UROS: variants seen among roughly 807,000 people sequenced by gnomAD.
UROS encodes the protein uroporphyrinogen-III synthase.
In UROS, 18 loss-of-function variants were observed where a neutral mutation model predicts 33.0. The observed-to-expected ratio is 0.55, with a 90% CI of 0.38 to 0.81. The LOEUF (loss-of-function observed/expected upper bound fraction) is 0.81, where lower values mean the gene tolerates loss of function less well. UROS is among the 30% of genes least tolerant of loss of function. The pLI, the probability that UROS is intolerant of heterozygous loss-of-function variation, is 0.00. For missense variants in UROS, 293 were observed against 314.9 expected, an observed-to-expected ratio of 0.93 and a Z score of 0.53; for synonymous variants, 114 against 121.1, an observed-to-expected ratio of 0.94 and a Z score of 0.38.
chr10:125,785,162 T>C (rs1443678037), downstream of UROS: 2 of 152,248 alleles, frequency 1.3e-5, no homozygotes, highest in Admixed American at 1.3e-4. Flanking sequence ...AGAGTTGGGA[T>C]AGTTTTTGTG....
At chr10:125,817,190 T>C (rs957046913) in intron 1 of UROS, among the ~76,000 whole-genome samples, 1 of 149,316 alleles carries the variant, frequency 6.7e-6, no homozygotes, top group Admixed American at 6.7e-5. Flanking sequence ...GCTCTTATCT[T>C]AATAGCAACG....
Position 125,817,594 on chromosome 10 carries a change from T to G in UROS, c.-26-1069A>C, listed in dbSNP as rs73381207. On this transcript the variant is annotated intron_variant, in intron 1 of 9. Coordinates refer to ENST00000368797, the MANE Select transcript of UROS (RefSeq NM_000375.3). ...ACCTCTGCCCTACCAAGCCTTAGGG[T>G]TGCTGAGTGACTCAAAGAAGATAAA... is the stretch of plus-strand genomic sequence containing the variant. Among the ~76,000 whole-genome samples the G allele has an allele frequency of 4.8e-3, 729 of 150,344 alleles. 7 individuals are homozygous for G. Among genetic ancestry groups the G allele is most frequent in the African/African-American group, 0.016 (663 of 40,704 alleles).
chr10:125,822,112 G>GA (rs1230396301), intron 1 of UROS, among the ~76,000 whole-genome samples: 1 of 152,054 alleles, frequency 6.6e-6, no homozygotes, highest in Non-Finnish European at 1.5e-5. Context: ...ATTTTACAGA[G>GA]AAAAATCAAT....
Position 125,816,447 on chromosome 10 carries a change from GGATCC to G in UROS, c.48_52del (p.Gln16HisfsTer12). The G allele has an allele frequency of 1.2e-6, 2 of 1,614,096 alleles. No individual in the cohort carries two copies. The highest frequency in any genetic ancestry group is 4.5e-5 in the East Asian group (2 of 44,882). ...TCTCAGGCCACTTACCCTGATATAC[GGATCC>G]TGGCCACAGTCATCTTCCTTCGCAT... On this transcript the variant is annotated frameshift_variant, in exon 2 of 10. Coordinates refer to ENST00000368797, the MANE Select transcript of UROS (RefSeq NM_000375.3). LOFTEE classifies it high-confidence loss of function.
chr10:125,814,336 T>C, intron 4 of UROS, among the ~76,000 whole-genome samples: 1 of 152,160 alleles, frequency 6.6e-6, no homozygotes, highest in East Asian at 1.9e-4. Flanking sequence ...ACTGTGGAGG[T>C]GGGTGGCCCG....
chr10:125,789,083 G>C (rs1341856752), intron 9 of UROS, 78 bp from the exon 10 acceptor site: 2 of 1,565,716 alleles, frequency 1.3e-6, no homozygotes, highest in African/African-American at 1.4e-5. Flanking sequence ...TGTGTGCAGG[G>C]GCCGTCAGCC....
At chr10:125,802,791 A>G (rs1851953852) in intron 6 of UROS, 2 of 1,440,760 alleles carry the variant, frequency 1.4e-6, no homozygotes, top group East Asian at 2.5e-5. Flanking sequence ...CCAGCGGTAC[A>G]GACTGAGGCA....
rs552231352 is a variant in UROS, at chr10:125,817,043, A to G, written c.-26-518T>C. Among the ~76,000 whole-genome samples, 11 of 152,278 alleles carry G rather than the reference A, an allele frequency of 7.2e-5. No homozygotes were observed. In the South Asian group the frequency reaches 2.3e-3, roughly 32 times the overall value. On this transcript the variant is annotated intron_variant, in intron 1 of 9. Transcript: ENST00000368797. ...GATTTGTTGACATCAAAAGCTTTATATACTTCATCTTCTTTCTTCCTGTAA... is the reference window on the plus strand; with the variant it reads ...GATTTGTTGACATCAAAAGCTTTATGTACTTCATCTTCTTTCTTCCTGTAA...
intron 1 of UROS, chr10:125,816,726 G>C (rs975780570): frequency 1.7e-6 from 1 of 606,058 alleles, no homozygotes; most frequent in Non-Finnish European, 2.9e-6. Flanking sequence ...GAGCATGTTA[G>C]CAGTTGATAT....
chr10:125,804,293 G>A (rs1454945309), intron 6 of UROS, among the ~76,000 whole-genome samples: 1 of 152,176 alleles, frequency 6.6e-6, no homozygotes, highest in Admixed American at 6.5e-5. Flanking sequence ...TGAGTTTATA[G>A]AGCTTCTGGG....
In UROS at chr10:125,788,729, C is replaced by T. The variant is rs1850708963; in HGVS notation, c.*139G>A. 20 of 1,441,190 alleles carry T rather than the reference C, an allele frequency of 1.4e-5. No individual in the cohort carries two copies. The highest frequency in any genetic ancestry group is 1.7e-5 in the Non-Finnish European group (19 of 1,101,352). The allele number at this position is 1,441,190 out of a possible 1,614,324, so 89.3% of individuals were successfully genotyped here. ...CAGCCCCAGGTCAGGTCCCGATCCC[C>T]GGTCCTCAGGTGCTTCCACTCAGGC... On this transcript the variant is annotated 3_prime_UTR_variant, in exon 10 of 10. Transcript: ENST00000368797.
At chr10:125,796,899 T>C in intron 7 of UROS, 2 of 981,334 alleles carry the variant, frequency 2.0e-6, no homozygotes, top group Non-Finnish European at 2.4e-6. Flanking sequence ...GAAGAAATGA[T>C]AACTTCAGCA....
chr10:125,815,233 G>A (rs1853203968), intron 3 of UROS, 103 bp from the exon 4 acceptor site: 6 of 1,271,594 alleles, frequency 4.7e-6, no homozygotes, highest in Non-Finnish European at 6.7e-6. Flanking sequence ...ATAGTAGTAG[G>A]CAAACTAATT....
Position 125,794,981 on chromosome 10 carries a change from G to A in UROS, c.562-3C>T, listed in dbSNP as rs1284871335. The stretch of plus-strand genomic sequence containing the variant: ...AATGTGATGCTGGCTGGAACCCCCT[G>A]TGGGGAACAGAAAACAAGATCAGTC... On this transcript the variant is annotated splice_polypyrimidine_tract_variant and splice_region_variant and intron_variant, in intron 8 of 9. Transcript: ENST00000368797. The A allele has an allele frequency of 1.2e-6, 2 of 1,612,424 alleles. No homozygotes were observed. Among genetic ancestry groups the A allele is most frequent in the Non-Finnish European group, 1.7e-6 (2 of 1,178,534 alleles).
intron 6 of UROS, among the ~76,000 whole-genome samples, chr10:125,799,467 A>C (rs1024773557): frequency 6.6e-6 from 1 of 152,180 alleles, no homozygotes; most frequent in African/African-American, 2.4e-5. Context: ...GGATCCAGTA[A>C]GAGAACTACA....
chr10:125,798,409 T>C (rs1026732345), intron 6 of UROS, among the ~76,000 whole-genome samples: 1 of 152,218 alleles, frequency 6.6e-6, no homozygotes, highest in African/African-American at 2.4e-5. Context: ...TTAGCCACAT[T>C]CTTTTAACTC....
chr10:125,811,805 C>CA (rs141063476), intron 5 of UROS, among the ~76,000 whole-genome samples: 65,165 of 148,934 alleles, frequency 0.44, 14,233 homozygotes, highest in Non-Finnish European at 0.47. Flanking sequence ...TTAAGAAAAC[C>CA]AAAAAAAAAC....
At chr10:125,817,224 ATTTTTTT>A (rs11431196) in intron 1 of UROS, among the ~76,000 whole-genome samples, 1 of 74,084 alleles carries the variant, frequency 1.3e-5, no homozygotes, top group African/African-American at 5.2e-5. Flanking sequence ...TTATAGATGT[ATTTTTTT>A]TTTTTTTTTT....
chr10:125,786,973 C>CGAG (rs1197643767), downstream of UROS, among the ~76,000 whole-genome samples: 1 of 152,226 alleles, frequency 6.6e-6, no homozygotes, highest in Non-Finnish European at 1.5e-5. Context: ...ACGCAATCGT[C>CGAG]GAGGACACTG....
Sources: gnomAD v4.1 joint callset for allele counts (sites outside exome capture counted in the v4.1 genomes callset) on GRCh38, gnomAD v4.1.1 for gene constraint, MANE v1.5 for transcripts, NCBI Gene and HGNC (gene_info 2026-07-23, HGNC 2026-07-21) for gene names.